Variants in GATAD2A observed in about 807,000 individuals in gnomAD.
The protein encoded by GATAD2A is GATA zinc finger domain containing 2A.
GATAD2A carries 12 observed loss-of-function variants against 68.5 expected under a neutral mutation model. The observed-to-expected ratio is 0.18, with a 90% confidence interval of 0.11 to 0.28. GATAD2A has a LOEUF of 0.28. Ranked by LOEUF, GATAD2A falls within the 10% of genes least tolerant of loss-of-function variation. The probability of loss-of-function intolerance (pLI) is 1.00; values close to 1 mark genes in which losing one functional copy is unlikely to be tolerated. For missense variants in GATAD2A, 755 were observed against 868.5 expected, an observed-to-expected ratio of 0.87 and a Z score of 1.64; for synonymous variants, 410 against 375.3, an observed-to-expected ratio of 1.09 and a Z score of -1.07.
intron 1 of GATAD2A, among the ~76,000 whole-genome samples, chr19:19,395,171 A>G (rs984703140): frequency 3.3e-5 from 5 of 152,134 alleles, no homozygotes; most frequent in African/African-American, 4.8e-5. Context: ...AAATACGTTC[A>G]AGGCCGGGCG....
chr19:19,471,086 T>A (rs1326427603), intron 2 of GATAD2A, among the ~76,000 whole-genome samples: 1 of 151,934 alleles, frequency 6.6e-6, no homozygotes, highest in Non-Finnish European at 1.5e-5. Flanking sequence ...TGAAACCCCG[T>A]CTCCACTAAA....
At chr19:19,479,013 A>G (rs1287490038) in intron 2 of GATAD2A, among the ~76,000 whole-genome samples, 2 of 152,170 alleles carry the variant, frequency 1.3e-5, no homozygotes, top group Non-Finnish European at 2.9e-5. Context: ...GAGGGTTTGA[A>G]GCATGGTGAA....
At chr19:19,419,039 CAG>C (rs745716259) in intron 1 of GATAD2A, among the ~76,000 whole-genome samples, 126 of 152,268 alleles carry the variant, frequency 8.3e-4, no homozygotes, top group Non-Finnish European at 1.4e-3. Flanking sequence ...GGCTGTCTCT[CAG>C]GGCCTGTACC....
rs765476548 is a variant in GATAD2A at position 19,502,533 on chromosome 19, G to C, written c.1774+7G>C. On this transcript the variant is annotated splice_region_variant and intron_variant, in intron 11 of 11. Coordinates refer to ENST00000683918, the MANE Select transcript of GATAD2A (RefSeq NM_001384528.1). ...AAGACGCCCCTCAGCACAGGTGGGTGACCTCCACAGGGCTCCCCAGGGGAC... is the reference window on the plus strand; with the variant it reads ...AAGACGCCCCTCAGCACAGGTGGGTCACCTCCACAGGGCTCCCCAGGGGAC... 8.7e-6 allele frequency: 14 copies of C among 1,601,412 alleles called. No individual in the cohort carries two copies. The highest frequency in any genetic ancestry group is 1.3e-5 in the African/African-American group (1 of 74,600).
In GATAD2A at chr19:19,406,621, C is replaced by G. The variant is rs138210561; in HGVS notation, c.-7+602C>G. On this transcript the variant is annotated intron_variant, in intron 1 of 11. Coordinates refer to ENST00000683918, the MANE Select transcript of GATAD2A (RefSeq NM_001384528.1). ...CTCCGGCCTTTCTCAAGGCCCGACA[C>G]TTTAAATTTGCCTCCCCATCTAGGC... Among the ~76,000 whole-genome samples the G allele has an allele frequency of 4.8e-3, 728 of 152,326 alleles. 6 individuals are homozygous for G. The highest frequency in any genetic ancestry group is 0.041 in the South Asian group (197 of 4,830).
At chr19:19,494,474 A>G in intron 5 of GATAD2A, 91 bp downstream of exon 5, 2 of 751,680 alleles carry the variant, frequency 2.7e-6, no homozygotes, top group South Asian at 1.6e-5. Flanking sequence ...GCCCTGGCCC[A>G]GGTTCTGCAA....
At chr19:19,500,463 G>A (rs937561336) in intron 8 of GATAD2A, among the ~76,000 whole-genome samples, 3 of 152,002 alleles carry the variant, frequency 2.0e-5, no homozygotes, top group African/African-American at 7.2e-5. Context: ...CACAAAAAAG[G>A]TCGGCACAAA....
At chr19:19,494,174 G>A in intron 4 of GATAD2A, 120 bp from the exon 5 acceptor site, 1 of 595,638 alleles carries the variant, frequency 1.7e-6, no homozygotes, top group Non-Finnish European at 3.0e-6. Context: ...CTGAGCGCCT[G>A]ATGCCGTAGA....
chr19:19,497,435 T>C (rs2060227178), intron 7 of GATAD2A, among the ~76,000 whole-genome samples: 1 of 152,214 alleles, frequency 6.6e-6, no homozygotes, highest in Non-Finnish European at 1.5e-5. Flanking sequence ...CTTGTCTTTG[T>C]TTCCTGAGGG....
In GATAD2A at chr19:19,498,560, G is replaced by A. The variant is rs756786911; in HGVS notation, c.1042G>A (p.Ala348Thr). 6 of 1,613,854 alleles carry A rather than the reference G, an allele frequency of 3.7e-6. No homozygotes were observed. The highest frequency in any genetic ancestry group is 2.2e-5 in the East Asian group (1 of 44,880). ...GTCTCCAGCAAGCCGACAGGCGGCC[G>A]CCAAGCTGGCGCTGCGCAAACAGCT... ...AESPASRQAAAKLALRKQLEK... is the reference protein window; with the variant it reads ...AESPASRQAATKLALRKQLEK... Residue 348 changes from alanine (A) to threonine (T), a missense_variant, in exon 8 of 12, where the codon GCC (alanine) becomes ACC (threonine). Transcript: ENST00000683918.
At chr19:19,401,010 C>T (rs181244656), upstream of GATAD2A, among the ~76,000 whole-genome samples, 5 of 151,850 alleles carry the variant, frequency 3.3e-5, no homozygotes, top group East Asian at 3.9e-4. Flanking sequence ...TGTGGTAGCA[C>T]GCACCTGTCG....
intron 1 of GATAD2A, among the ~76,000 whole-genome samples, chr19:19,390,043 C>T (rs1023142861): frequency 1.3e-5 from 2 of 152,120 alleles, no homozygotes; most frequent in African/African-American, 4.8e-5. Flanking sequence ...GGATTACAGG[C>T]GTGAGCCACT....
At chr19:19,454,709 T>A (rs2056754016) in intron 1 of GATAD2A, among the ~76,000 whole-genome samples, 1 of 150,262 alleles carries the variant, frequency 6.7e-6, no homozygotes, top group South Asian at 2.1e-4. Context: ...GAGTTGGGAT[T>A]ACAGGTGTGA....
At chr19:19,440,366 G>A in intron 1 of GATAD2A, 1 of 195,622 alleles carries the variant, frequency 5.1e-6, no homozygotes, top group Non-Finnish European at 1.0e-5. Context: ...CGCCTACCAG[G>A]TTCATGCCAT....
chr19:19,502,192 C>T, intron 10 of GATAD2A, 139 bp from the exon 11 acceptor site: 1 of 861,040 alleles, frequency 1.2e-6, no homozygotes, highest in Non-Finnish European at 1.8e-6. Flanking sequence ...TGTAACTTAC[C>T]TGGTCTCCTG....
chr19:19,494,457 C>G, intron 5 of GATAD2A, 74 bp downstream of exon 5: 1 of 926,110 alleles, frequency 1.1e-6, no homozygotes, highest in Non-Finnish European at 1.7e-6. Flanking sequence ...CCTCGGGCTC[C>G]CAAACAGCCC....
intron 1 of GATAD2A, among the ~76,000 whole-genome samples, chr19:19,425,724 A>G (rs1018729831): frequency 5.3e-5 from 8 of 152,078 alleles, no homozygotes; most frequent in Non-Finnish European, 1.0e-4. Flanking sequence ...CCATGGGCCC[A>G]AGGGATTATA....
chr19:19,492,118 G>A (rs2059834365), intron 2 of GATAD2A, among the ~76,000 whole-genome samples, 188 bp from the exon 3 acceptor site: 1 of 152,244 alleles, frequency 6.6e-6, no homozygotes, highest in Admixed American at 6.5e-5. Flanking sequence ...GGGATTGGGT[G>A]CCCTATGACG....
At chr19:19,442,783 A>C (rs892018576) in intron 1 of GATAD2A, among the ~76,000 whole-genome samples, 13 of 152,002 alleles carry the variant, frequency 8.6e-5, no homozygotes, top group East Asian at 3.8e-4. Flanking sequence ...AAAAAAAAAA[A>C]AAAAACCCAC....
Sources: gnomAD v4.1 joint callset for allele counts (sites outside exome capture counted in the v4.1 genomes callset) on GRCh38, gnomAD v4.1.1 for gene constraint, MANE v1.5 for transcripts, NCBI Gene and HGNC (gene_info 2026-07-23, HGNC 2026-07-21) for gene names.